CIDEA: variants seen among roughly 807,000 people sequenced by gnomAD.
CIDEA encodes the protein lipid transferase CIDEA.
CIDEA carries 10 observed loss-of-function variants against 18.2 expected under a neutral mutation model. That is an observed-to-expected ratio of 0.55 (90% CI 0.34 to 0.93). The LOEUF (loss-of-function observed/expected upper bound fraction) is 0.93. Ranked by LOEUF, CIDEA falls within the 40% of genes least tolerant of loss-of-function variation. The pLI is 0.02. For synonymous variants in CIDEA, 128 were observed against 124.8 expected (o/e 1.03, Z -0.17); for missense variants, 309 against 293.1 (o/e 1.05, Z -0.40).
At position 12,262,818 on chromosome 18, in the gene CIDEA, T is replaced by A. The variant is rs145021019; in HGVS notation, c.39-7T>A. On this transcript the variant is annotated splice_polypyrimidine_tract_variant and splice_region_variant and intron_variant, in intron 1 of 4. Transcript: ENST00000320477. ...TAAAAAGTTTTACTTTTCACCTCCA[T>A]TTTCAGGCCCCTGACATTTATGGGA... 9 of 1,608,666 alleles carry A rather than the reference T, an allele frequency of 5.6e-6. No homozygotes were observed. In the African/African-American group the frequency reaches 1.2e-4, roughly 21 times the overall value.
intron 1 of CIDEA, among the ~76,000 whole-genome samples, chr18:12,259,579 T>C (rs1023568927): frequency 2.0e-5 from 3 of 152,180 alleles, no homozygotes; most frequent in Non-Finnish European, 4.4e-5. Flanking sequence ...TAATATTGAA[T>C]TAATGGGCAT....
intron 1 of CIDEA, among the ~76,000 whole-genome samples, chr18:12,256,930 G>A (rs926626668): frequency 3.3e-5 from 5 of 152,156 alleles, no homozygotes; most frequent in Admixed American, 1.3e-4. Context: ...GTCCTTGTCG[G>A]GGCGAGTTTA....
intron 3 of CIDEA, among the ~76,000 whole-genome samples, chr18:12,272,074 C>T (rs112610314): frequency 1.5e-4 from 22 of 143,166 alleles, no homozygotes; most frequent in Non-Finnish European, 3.2e-4. Flanking sequence ...ACACGTTTCC[C>T]GGCTGAGGGC....
In CIDEA at chr18:12,262,975, C is replaced by T; in HGVS notation, c.183+6C>T. The T allele has an allele frequency of 6.2e-7, 1 of 1,613,744 alleles. No homozygotes were observed. Among genetic ancestry groups the T allele is most frequent in the Non-Finnish European group, 8.5e-7 (1 of 1,179,882 alleles). The stretch of plus-strand genomic sequence containing the variant: ...TGCAGGAGCTCATCAGCAAGGTGCC[C>T]CACATCCCGCACCTCTCCCCCAGTC... On this transcript the variant is annotated splice_donor_region_variant and intron_variant, in intron 2 of 4. Coordinates refer to ENST00000320477, the MANE Select transcript of CIDEA (RefSeq NM_001279.4).
At chr18:12,254,699 G>C (rs926064644) in intron 1 of CIDEA, 1 of 1,499,218 alleles carries the variant, frequency 6.7e-7, no homozygotes. Context: ...TGCGAGGTGC[G>C]CGGGCGTCTG....
intron 1 of CIDEA, among the ~76,000 whole-genome samples, chr18:12,259,041 C>G (rs73413079): frequency 0.02 from 3,034 of 152,314 alleles, 107 homozygotes; most frequent in African/African-American, 0.069. Flanking sequence ...AACTGAGAAC[C>G]CTGCGTCACT....
At chr18:12,274,685 A>G (rs191532252) in intron 4 of CIDEA, among the ~76,000 whole-genome samples, 2 of 152,298 alleles carry the variant, frequency 1.3e-5, no homozygotes, top group East Asian at 3.9e-4. Context: ...TGTACTCCTG[A>G]TAACTTCAGC....
chr18:12,266,078 A>C (rs573325372), intron 3 of CIDEA, among the ~76,000 whole-genome samples: 6 of 152,180 alleles, frequency 3.9e-5, no homozygotes, highest in Non-Finnish European at 8.8e-5. Flanking sequence ...AATTTTTTTA[A>C]GGCTTAGCTG....
intron 3 of CIDEA, among the ~76,000 whole-genome samples, 180 bp from the exon 4 acceptor site, chr18:12,273,913 C>CT (rs1302606547): frequency 6.6e-6 from 1 of 152,224 alleles, no homozygotes; most frequent in Non-Finnish European, 1.5e-5. Flanking sequence ...GCTAATTGGA[C>CT]ACAGTCGTAG....
rs1413401709 is a variant in CIDEA, at chr18:12,277,462, G to A, written c.*192G>A. 20 of 635,346 alleles carry A rather than the reference G, an allele frequency of 3.1e-5. No homozygotes were observed. Among genetic ancestry groups the A allele is most frequent in the South Asian group, 1.8e-4 (9 of 50,106 alleles). The allele number at this position is 635,346 out of a possible 1,614,324, so 39.4% of individuals were successfully genotyped here. On this transcript the variant is annotated 3_prime_UTR_variant, in exon 5 of 5. Transcript: ENST00000320477. ...TGGGGGCAGTGGGCAGGGTGCCCTG[G>A]GGGGGAGGCATAGAGGGCCCTGGGG...
At chr18:12,265,638 G>A (rs929818737) in intron 3 of CIDEA, among the ~76,000 whole-genome samples, 11 of 152,204 alleles carry the variant, frequency 7.2e-5, no homozygotes, top group African/African-American at 2.7e-4. Flanking sequence ...TCAATGGAGG[G>A]GTTTGCTCAT....
intron 4 of CIDEA, 99 bp from the exon 5 acceptor site, chr18:12,277,024 G>A (rs994387354): frequency 4.7e-5 from 63 of 1,353,284 alleles, no homozygotes; most frequent in Admixed American, 2.9e-4. Flanking sequence ...GGCCTCCTCC[G>A]AGTGCCTTTT....
At chr18:12,270,754 G>A (rs1912493734) in intron 3 of CIDEA, among the ~76,000 whole-genome samples, 1 of 146,630 alleles carries the variant, frequency 6.8e-6, no homozygotes, top group South Asian at 2.2e-4. Flanking sequence ...ACTATTAATT[G>A]TGGGGTGAAT....
At chr18:12,276,406 C>T (rs1002951691) in intron 4 of CIDEA, among the ~76,000 whole-genome samples, 5 of 152,192 alleles carry the variant, frequency 3.3e-5, no homozygotes, top group African/African-American at 1.2e-4. Context: ...GATCCTCCCA[C>T]CTCAGCCTCT....
chr18:12,272,142 G>T (rs1446634442), intron 3 of CIDEA, among the ~76,000 whole-genome samples: 2 of 15,056 alleles, frequency 1.3e-4, no homozygotes, highest in Non-Finnish European at 5.0e-4. Context: ...AGCTTTGAGT[G>T]TGTGTGTGGG....
chr18:12,266,271 T>C (rs1912346120), intron 3 of CIDEA, among the ~76,000 whole-genome samples: 1 of 151,760 alleles, frequency 6.6e-6, no homozygotes, highest in African/African-American at 2.4e-5. Context: ...CTGAGCAACA[T>C]GGCAAAACCC....
At chr18:12,270,930 C>A in intron 3 of CIDEA, among the ~76,000 whole-genome samples, 1 of 25,210 alleles carries the variant, frequency 4.0e-5, no homozygotes, top group African/African-American at 1.3e-4. Flanking sequence ...GACAGTTTTG[C>A]TTTTGTCGCC....
At chr18:12,272,018 G>GA (rs1303810602) in intron 3 of CIDEA, among the ~76,000 whole-genome samples, 11 of 152,096 alleles carry the variant, frequency 7.2e-5, no homozygotes, top group African/African-American at 2.7e-4. Context: ...AGAGGCGCGG[G>GA]ACGGGAGGAG....
chr18:12,263,888 A>G (rs1912266852), intron 2 of CIDEA: 1 of 153,454 alleles, frequency 6.5e-6, no homozygotes, highest in South Asian at 2.1e-4. Context: ...AATTACAAAT[A>G]TTATTTAATG....
Sources: allele counts gnomAD v4.1 joint callset (sites outside exome capture counted in the v4.1 genomes callset), GRCh38; gene constraint gnomAD v4.1.1; transcripts MANE v1.5; gene names NCBI Gene and HGNC (gene_info 2026-07-23, HGNC 2026-07-21).